Variants in FAM149B1 observed in about 807,000 individuals in gnomAD.
FAM149B1 encodes the protein family with sequence similarity 149 member B1, also known as primary cilium assembly protein FAM149B1.
FAM149B1 carries 56 observed loss-of-function variants against 75.3 expected under a neutral mutation model. That is an observed-to-expected ratio of 0.74 (90% CI 0.60 to 0.93). FAM149B1 has a LOEUF of 0.93. FAM149B1 is among the 40% of genes least tolerant of loss of function. The pLI, the probability that FAM149B1 is intolerant of heterozygous loss-of-function variation, is 0.00. For missense variants in FAM149B1, 639 were observed against 708.4 expected (o/e 0.90, Z 1.11); for synonymous variants, 259 against 256.1 (o/e 1.01, Z -0.11).
Position 73,241,185 on chromosome 10 carries a change from A to T in FAM149B1, c.*166A>T. 1 of 591,644 alleles carries T rather than the reference A, an allele frequency of 1.7e-6. No homozygotes were observed. The highest frequency in any genetic ancestry group is 1.9e-5 in the South Asian group (1 of 52,788). The allele number at this position is 591,644 out of a possible 1,614,324, so 36.6% of individuals were successfully genotyped here. On this transcript the variant is annotated 3_prime_UTR_variant, in exon 14 of 14. Coordinates refer to ENST00000242505, the MANE Select transcript of FAM149B1 (RefSeq NM_173348.2). ...AAGAACAAAACACCATAGCAGCCAA[A>T]AATGACATGAGTGTTGTTTCTATCT...
chr10:73,230,550 T>TA (rs1329839159), intron 9 of FAM149B1, 25 bp downstream of exon 9: 1 of 1,264,414 alleles, frequency 7.9e-7, no homozygotes, highest in Admixed American at 2.0e-5. Context: ...ATTTTCAGAC[T>TA]ATACAGTGTA....
Position 73,210,458 on chromosome 10 carries a change from TA to T in FAM149B1, c.898+22del. The stretch of plus-strand genomic sequence containing the variant: ...CCTCTGGTAAGGATCTTTGTGAAAA[TA>T]ATGTAAAAATCAATTGTTTATGATT... On this transcript the variant is annotated intron_variant, in intron 7 of 13. Coordinates refer to ENST00000242505, the MANE Select transcript of FAM149B1 (RefSeq NM_173348.2). The T allele has an allele frequency of 6.7e-7, 1 of 1,487,680 alleles. No individual in the cohort carries two copies. Among genetic ancestry groups the T allele is most frequent in the Non-Finnish European group, 9.1e-7 (1 of 1,098,634 alleles). The allele number at this position is 1,487,680 out of a possible 1,614,324, so 92.2% of individuals were successfully genotyped here.
At chr10:73,170,912 A>G (rs1406642285) in intron 1 of FAM149B1, among the ~76,000 whole-genome samples, 1 of 152,204 alleles carries the variant, frequency 6.6e-6, no homozygotes, top group African/African-American at 2.4e-5. Flanking sequence ...ATGGAAAAAA[A>G]TGATAGGCAC....
At position 73,229,496 on chromosome 10, in the gene FAM149B1, A is replaced by G. The variant is rs548628023; in HGVS notation, c.1024-926A>G. Among the ~76,000 whole-genome samples the G allele has an allele frequency of 1.2e-3, 186 of 152,248 alleles. 1 individual carries two copies. Among genetic ancestry groups the G allele is most frequent in the Non-Finnish European group, 2.2e-4 (15 of 68,014 alleles). On this transcript the variant is annotated intron_variant, in intron 8 of 13. Coordinates refer to ENST00000242505, the MANE Select transcript of FAM149B1 (RefSeq NM_173348.2). ...AGGCTGAGGCAGGAGAATCACTTGA[A>G]CCTGGGAGGCAGAGGTAGCAGTGGG...
At chr10:73,201,156 C>A in intron 5 of FAM149B1, 1 of 273,722 alleles carries the variant, frequency 3.7e-6, no homozygotes, top group South Asian at 5.2e-5. Flanking sequence ...CAAGAGGATT[C>A]TTCGTGACAC....
At position 73,188,892 on chromosome 10, in the gene FAM149B1, A is replaced by G. The variant is rs534366656; in HGVS notation, c.283-3664A>G. ...GTATATAAAGAGCTCTTAAAACTCC[A>G]TATTAAAAAGAAAAAAAAAGGCTAG... On this transcript the variant is annotated intron_variant, in intron 3 of 13. Transcript: ENST00000242505. Among the ~76,000 whole-genome samples, 10 of 151,988 alleles carry G rather than the reference A, an allele frequency of 6.6e-5. No homozygotes were observed. The South Asian group carries it at 2.1e-3, about 32-fold the overall frequency.
intron 3 of FAM149B1, among the ~76,000 whole-genome samples, chr10:73,191,115 A>G (rs1309666209): frequency 6.6e-6 from 1 of 152,070 alleles, no homozygotes; most frequent in East Asian, 1.9e-4. Flanking sequence ...ATCTTGGCTC[A>G]CCACAACCTC....
intron 13 of FAM149B1, among the ~76,000 whole-genome samples, chr10:73,240,528 T>A (rs138598914): frequency 6.6e-6 from 1 of 152,102 alleles, no homozygotes; most frequent in East Asian, 1.9e-4. Context: ...CTGGCTAACA[T>A]GGTGAAACCC....
In FAM149B1 at chr10:73,217,818, A is replaced by G. The variant is rs553690713; in HGVS notation, c.898+7380A>G. 3.3e-5 allele frequency among the ~76,000 whole-genome samples: 5 copies of G among 152,338 alleles called. No individual in the cohort carries two copies. In the South Asian group the frequency reaches 1.0e-3, roughly 32 times the overall value. ...GAACACCAAGAGGTAGGAATCATGCATGGGCCACCTTAGAGTCTGTCTACT... is the reference window on the plus strand; with the variant it reads ...GAACACCAAGAGGTAGGAATCATGCGTGGGCCACCTTAGAGTCTGTCTACT... On this transcript the variant is annotated intron_variant, in intron 7 of 13. Coordinates refer to ENST00000242505, the MANE Select transcript of FAM149B1 (RefSeq NM_173348.2).
intron 5 of FAM149B1, among the ~76,000 whole-genome samples, chr10:73,196,148 C>T (rs919556609): frequency 5.9e-5 from 9 of 152,152 alleles, no homozygotes; most frequent in Non-Finnish European, 1.3e-4. Context: ...GTGCCAGGCC[C>T]ATCCTTAACT....
intron 10 of FAM149B1, among the ~76,000 whole-genome samples, chr10:73,233,369 T>C (rs1188710520): frequency 6.6e-6 from 1 of 152,174 alleles, no homozygotes; most frequent in Non-Finnish European, 1.5e-5. Context: ...AGATACAGTC[T>C]CACTCCTGTC....
chr10:73,199,721 A>G (rs1411376239), intron 5 of FAM149B1: 2 of 152,326 alleles, frequency 1.3e-5, no homozygotes, highest in African/African-American at 4.8e-5. Context: ...ATTAAAGGTT[A>G]TTTTCCAGAT....
intron 7 of FAM149B1, among the ~76,000 whole-genome samples, chr10:73,212,824 A>G (rs1225226266): frequency 6.6e-6 from 1 of 151,032 alleles, no homozygotes; most frequent in Non-Finnish European, 1.5e-5. Flanking sequence ...ATGTCTGTTC[A>G]TGTCCTGTTT....
At chr10:73,202,811 C>T (rs905684474) in intron 5 of FAM149B1, among the ~76,000 whole-genome samples, 3 of 152,090 alleles carry the variant, frequency 2.0e-5, no homozygotes, top group Non-Finnish European at 4.4e-5. Context: ...CCACCTCAGC[C>T]TCCCGAGTAG....
intron 3 of FAM149B1, among the ~76,000 whole-genome samples, chr10:73,188,758 G>GAAGT (rs2042599394): frequency 5.0e-5 from 1 of 19,896 alleles, no homozygotes; most frequent in African/African-American, 1.6e-4. Context: ...AGGAAGGAGG[G>GAAGT]AAGGAAGGAA....
chr10:73,239,042 C>A, intron 12 of FAM149B1: 3 of 337,048 alleles, frequency 8.9e-6, no homozygotes, highest in South Asian at 6.1e-5. Flanking sequence ...AATATTAAAC[C>A]ATATGGATTA....
At chr10:73,204,272 A>G (rs1220908442) in intron 5 of FAM149B1, among the ~76,000 whole-genome samples, 1 of 151,932 alleles carries the variant, frequency 6.6e-6, no homozygotes, top group Non-Finnish European at 1.5e-5. Context: ...TTACAGGCAC[A>G]TGCCATCACG....
rs528935871 is a variant in FAM149B1 at position 73,168,259 on chromosome 10, G to A, written c.-81G>A. ...AGGGGCCGGGCCGGAGCCGGCGGGA[G>A]GGCCAGGCCCGGAGGCCCCCACCCT... is the stretch of plus-strand genomic sequence containing the variant. On this transcript the variant is annotated 5_prime_UTR_variant, in exon 1 of 14. Coordinates refer to ENST00000242505, the MANE Select transcript of FAM149B1 (RefSeq NM_173348.2). 37 of 1,477,292 alleles carry A rather than the reference G, an allele frequency of 2.5e-5. No homozygotes were observed. The African/African-American group carries it at 4.7e-4, about 19-fold the overall frequency. 91.5% of individuals were successfully genotyped at this position (1,477,292 alleles called of 1,614,324 possible).
At chr10:73,217,825 A>C (rs2043330036) in intron 7 of FAM149B1, among the ~76,000 whole-genome samples, 1 of 152,166 alleles carries the variant, frequency 6.6e-6, no homozygotes. Context: ...TGCATGGGCC[A>C]CCTTAGAGTC....
Sources: allele counts gnomAD v4.1 joint callset (sites outside exome capture counted in the v4.1 genomes callset), GRCh38; gene constraint gnomAD v4.1.1; transcripts MANE v1.5; gene names NCBI Gene and HGNC (gene_info 2026-07-23, HGNC 2026-07-21).